The following TMEM71 variants were observed in gnomAD, a reference collection of about 807,000 sequenced individuals.
TMEM71 encodes transmembrane protein 71.
TMEM71 carries 44 observed loss-of-function variants against 38.0 expected under a neutral mutation model. The ratio of observed to expected loss-of-function variants is 1.16; its 90% CI spans 0.91 to 1.49. The LOEUF is 1.49. Ranked by LOEUF, TMEM71 falls within the 40% of genes most tolerant of loss-of-function variation. The pLI is 0.00. For missense variants in TMEM71, 367 were observed against 348.6 expected, an observed-to-expected ratio of 1.05 and a Z score of -0.42; for synonymous variants, 133 against 122.5, an observed-to-expected ratio of 1.09 and a Z score of -0.56.
At chr8:132,733,781 A>G (rs1287069466) in intron 5 of TMEM71, among the ~76,000 whole-genome samples, 1 of 152,216 alleles carries the variant, frequency 6.6e-6, no homozygotes, top group Non-Finnish European at 1.5e-5. Flanking sequence ...GTGGATGATG[A>G]AAATGTGGTA....
rs1361967174 is a variant in TMEM71, at chr8:132,713,986, A to C, written c.872+9T>G. 1.2e-6 allele frequency: 2 copies of C among 1,613,268 alleles called. No homozygotes were observed. The highest frequency in any genetic ancestry group is 1.3e-5 in the African/African-American group (1 of 74,916). ...TCCAGACAATAATGATGACACAGGC[A>C]ACACTTACCGAGCACAGGCAGTGGT... is the stretch of plus-strand genomic sequence containing the variant. On this transcript the variant is annotated intron_variant, in intron 9 of 9. Transcript: ENST00000677595.
chr8:132,754,343 C>T (rs2131192631), intron 3 of TMEM71, among the ~76,000 whole-genome samples: 2 of 152,244 alleles, frequency 1.3e-5, no homozygotes, highest in Middle Eastern at 6.8e-3. Flanking sequence ...AGTCTTTTTC[C>T]TGTATATTTA....
chr8:132,767,226 G>T, the TMEM71 span, among the ~76,000 whole-genome samples: 1 of 152,122 alleles, frequency 6.6e-6, no homozygotes, highest in Admixed American at 6.5e-5. Flanking sequence ...CTCCTCTGAA[G>T]ATTAGAGAAT....
intron 5 of TMEM71, among the ~76,000 whole-genome samples, chr8:132,738,049 A>ATGTG (rs1827842354): frequency 6.6e-6 from 1 of 152,100 alleles, no homozygotes; most frequent in African/African-American, 2.4e-5. Flanking sequence ...TTTAGAGCTA[A>ATGTG]TGTGTATTAA....
the TMEM71 span, among the ~76,000 whole-genome samples, chr8:132,775,985 G>A: frequency 6.6e-6 from 1 of 151,988 alleles, no homozygotes; most frequent in African/African-American, 2.4e-5. Flanking sequence ...TTACATTGTC[G>A]GTCTCTATGT....
chr8:132,757,509 A>G (rs959622901), intron 2 of TMEM71, among the ~76,000 whole-genome samples: 1 of 152,130 alleles, frequency 6.6e-6, no homozygotes, highest in Non-Finnish European at 1.5e-5. Flanking sequence ...AGAGGCTTCT[A>G]TCTTCTGTTC....
At chr8:132,772,383 C>G in the TMEM71 span, among the ~76,000 whole-genome samples, 1 of 152,228 alleles carries the variant, frequency 6.6e-6, no homozygotes, top group Admixed American at 6.5e-5. Context: ...TGACTGATGG[C>G]TGGGCATCAA....
chr8:132,751,911 C>T lies in TMEM71; in HGVS notation c.188G>A (p.Arg63Gln), dbSNP rs542588923. Residue 63 changes from arginine (R) to glutamine (Q), a missense_variant, in exon 4 of 10, where the codon CGA (arginine) becomes CAA (glutamine). Arg to Gln is a conservative substitution (Grantham distance 43, BLOSUM62 1). Coordinates refer to ENST00000677595, the MANE Select transcript of TMEM71 (RefSeq NM_001382403.1). ...GCCATTGGTGAGGAGTCTGGGACTT[C>T]GGCGACAGGTATAGTGGGAGCCTGT... ...PLTGSHYTCRRSPRLLTNGYY... is the reference protein window; with the variant it reads ...PLTGSHYTCRQSPRLLTNGYY... 49 of 1,614,034 alleles carry T rather than the reference C, an allele frequency of 3.0e-5. No individual in the cohort carries two copies. Among genetic ancestry groups the T allele is most frequent in the South Asian group, 1.3e-4 (12 of 91,076 alleles).
intron 5 of TMEM71, among the ~76,000 whole-genome samples, chr8:132,733,495 C>A (rs535327825): frequency 6.6e-6 from 1 of 152,332 alleles, no homozygotes; most frequent in Admixed American, 6.5e-5. Context: ...TGGTTCCCCT[C>A]AGCCTGGATA....
Position 132,710,481 on chromosome 8 carries a change from T to C in TMEM71, c.*486A>G, listed in dbSNP as rs536168757. The C allele has an allele frequency of 5.0e-5, 10 of 200,854 alleles. No individual in the cohort carries two copies. The Admixed American group carries it at 6.0e-4, about 12-fold the overall frequency. The allele number at this position is 200,854 out of a possible 1,614,324, so 12.4% of individuals were successfully genotyped here. On this transcript the variant is annotated 3_prime_UTR_variant, in exon 10 of 10. Transcript: ENST00000677595. ...CAAACTTTTGCAGCATTATATTTTA[T>C]GTACAAATTGCATTTATTGTTATTC... is the stretch of plus-strand genomic sequence containing the variant.
At chr8:132,739,541 G>C (rs1317913482) in intron 5 of TMEM71, among the ~76,000 whole-genome samples, 2 of 152,086 alleles carry the variant, frequency 1.3e-5, no homozygotes, top group African/African-American at 4.8e-5. Flanking sequence ...TCGATCTCCT[G>C]ACCTCGTGAT....
intron 6 of TMEM71, among the ~76,000 whole-genome samples, chr8:132,726,759 A>G (rs1827163568): frequency 6.6e-6 from 1 of 152,216 alleles, no homozygotes; most frequent in South Asian, 2.1e-4. Flanking sequence ...TGCTCCTGCC[A>G]GAAAATACCA....
rs1828435010 is a variant in TMEM71, at chr8:132,747,118, G to A, written c.315-4C>T. On this transcript the variant is annotated splice_region_variant and splice_polypyrimidine_tract_variant and intron_variant, in intron 4 of 9. Transcript: ENST00000677595. ...TCTCTTTTTCTTTCTAAATATCCTA[G>A]AGAGAAATGAAAGCATGGTGAACAA... is the stretch of plus-strand genomic sequence containing the variant. 6.3e-7 allele frequency: 1 copy of A among 1,588,446 alleles called. No individual in the cohort carries two copies.
intron 3 of TMEM71, among the ~76,000 whole-genome samples, chr8:132,752,686 T>A (rs1828780422): frequency 6.6e-6 from 1 of 151,436 alleles, no homozygotes; most frequent in African/African-American, 2.4e-5. Context: ...AGTGTGCTAT[T>A]CATGCCTGTG....
chr8:132,739,658 C>T (rs576819448), intron 5 of TMEM71, among the ~76,000 whole-genome samples: 216 of 152,224 alleles, frequency 1.4e-3, no homozygotes, highest in Non-Finnish European at 2.5e-3. Flanking sequence ...AGTTCCTTAA[C>T]CCTGAACTTC....
chr8:132,735,285 G>A (rs1273447346), intron 5 of TMEM71, among the ~76,000 whole-genome samples: 1 of 152,120 alleles, frequency 6.6e-6, no homozygotes, highest in Non-Finnish European at 1.5e-5. Flanking sequence ...AACAAAACAG[G>A]CAAAAACATC....
intron 7 of TMEM71, among the ~76,000 whole-genome samples, chr8:132,720,595 A>G (rs1000300962): frequency 6.6e-6 from 1 of 152,192 alleles, no homozygotes; most frequent in African/African-American, 2.4e-5. Context: ...TGATCTAAAA[A>G]TGTTTTGCAA....
chr8:132,746,933 C>A lies in TMEM71; in HGVS notation c.487+9G>T. ...AAATTTTACTATGGAAAGGAGGACT[C>A]AAACTCACCATTTCCATTGCAATGG... On this transcript the variant is annotated intron_variant, in intron 5 of 9. Coordinates refer to ENST00000677595, the MANE Select transcript of TMEM71 (RefSeq NM_001382403.1). The A allele has an allele frequency of 1.9e-6, 3 of 1,577,966 alleles. No individual in the cohort carries two copies. In the South Asian group the frequency reaches 3.5e-5, roughly 19 times the overall value.
At chr8:132,716,492 A>G (rs939324359) in intron 7 of TMEM71, among the ~76,000 whole-genome samples, 1 of 152,228 alleles carries the variant, frequency 6.6e-6, no homozygotes, top group Non-Finnish European at 1.5e-5. Flanking sequence ...CAAGCATTTC[A>G]TTTAATAACA....
Sources: gnomAD v4.1 joint callset for allele counts (sites outside exome capture counted in the v4.1 genomes callset) on GRCh38, gnomAD v4.1.1 for gene constraint, MANE v1.5 for transcripts, NCBI Gene and HGNC (gene_info 2026-07-23, HGNC 2026-07-21) for gene names.